TRAF5: variants seen among roughly 807,000 people sequenced by gnomAD.
TRAF5 encodes the protein TNF receptor associated factor 5, also known as TNF receptor-associated factor 5.
Under a neutral mutation model 64.5 loss-of-function variants are expected in TRAF5, and 48 were observed. The ratio of observed to expected loss-of-function variants is 0.74; its 90% CI spans 0.59 to 0.95. The LOEUF is 0.95. Ranked by LOEUF, TRAF5 falls within the 40% of genes least tolerant of loss-of-function variation. The pLI is 0.00. For missense variants in TRAF5, 545 were observed against 662.8 expected, an observed-to-expected ratio of 0.82 and a Z score of 1.95; for synonymous variants, 206 against 240.5, an observed-to-expected ratio of 0.86 and a Z score of 1.33.
At chr1:211,328,255 A>G (rs1046221597) in intron 1 of TRAF5, among the ~76,000 whole-genome samples, 1 of 152,376 alleles carries the variant, frequency 6.6e-6, no homozygotes, top group Middle Eastern at 3.4e-3. Flanking sequence ...AAATTGCTGC[A>G]GGAACGATGG....
At chr1:211,346,273 AT>A in intron 1 of TRAF5, 1 of 754,334 alleles carries the variant, frequency 1.3e-6, no homozygotes, top group African/African-American at 1.9e-5. Context: ...GTAATTGATC[AT>A]TTTTGTGCCT....
chr1:211,350,121 C>CTT (rs36090698), intron 1 of TRAF5, among the ~76,000 whole-genome samples: 95,192 of 151,802 alleles, frequency 0.63, 32,440 homozygotes, highest in Non-Finnish European at 0.76. Context: ...ACATTTGTAT[C>CTT]TTATACTGCT....
At chr1:211,354,318 G>T (rs946756359) in intron 2 of TRAF5, 92 bp from the exon 3 acceptor site, 2 of 1,261,700 alleles carry the variant, frequency 1.6e-6, no homozygotes, top group African/African-American at 3.0e-5. Context: ...GCCTGCCCAG[G>T]GCTAGAGCAT....
intron 2 of TRAF5, 58 bp downstream of exon 2, chr1:211,353,515 T>G: frequency 6.6e-7 from 1 of 1,521,926 alleles, no homozygotes; most frequent in East Asian, 2.4e-5. Context: ...AGGTGGCAAC[T>G]GTGGCCACTC....
intron 1 of TRAF5, among the ~76,000 whole-genome samples, chr1:211,331,987 T>C (rs1702168684): frequency 6.6e-6 from 1 of 152,176 alleles, no homozygotes. Flanking sequence ...TCATTGAAAC[T>C]AGCCTATTGC....
chr1:211,331,927 A>G (rs1361728740), intron 1 of TRAF5, among the ~76,000 whole-genome samples: 1 of 152,212 alleles, frequency 6.6e-6, no homozygotes, highest in African/African-American at 2.4e-5. Flanking sequence ...TTGGCCTCCC[A>G]AAGTGCTGGG....
At chr1:211,370,378 A>AAC (rs67207558) in intron 9 of TRAF5, among the ~76,000 whole-genome samples, 9,443 of 148,000 alleles carry the variant, frequency 0.064, 441 homozygotes, top group African/African-American at 0.13. Flanking sequence ...TTATACATTA[A>AAC]ACACACACAC....
intron 1 of TRAF5, among the ~76,000 whole-genome samples, chr1:211,346,144 G>A (rs1028464140): frequency 1.3e-5 from 2 of 152,204 alleles, no homozygotes; most frequent in South Asian, 4.1e-4. Context: ...GACCAGCTGA[G>A]ATGATTTCTT....
At chr1:211,348,224 C>T (rs1162430400) in intron 1 of TRAF5, among the ~76,000 whole-genome samples, 2 of 152,146 alleles carry the variant, frequency 1.3e-5, no homozygotes, top group Non-Finnish European at 2.9e-5. Context: ...AAGAGATGTG[C>T]AAACATGTAA....
intron 1 of TRAF5, among the ~76,000 whole-genome samples, chr1:211,349,002 C>T (rs1702698656): frequency 7.5e-6 from 1 of 134,030 alleles, no homozygotes; most frequent in African/African-American, 2.8e-5. Context: ...GAGTTCAAGA[C>T]CAGGCTGGGC....
intron 7 of TRAF5, among the ~76,000 whole-genome samples, chr1:211,364,267 G>A (rs1703277280): frequency 6.6e-6 from 1 of 152,194 alleles, no homozygotes; most frequent in Admixed American, 6.5e-5. Context: ...GGTTTTGAGG[G>A]CAACAAATTT....
intron 1 of TRAF5, among the ~76,000 whole-genome samples, chr1:211,344,827 C>T (rs1702549988): frequency 6.6e-6 from 1 of 152,112 alleles, no homozygotes; most frequent in Non-Finnish European, 1.5e-5. Context: ...GAACACGGCT[C>T]ACTGCAGCCT....
intron 1 of TRAF5, among the ~76,000 whole-genome samples, chr1:211,327,205 C>T (rs945165772): frequency 2.6e-5 from 4 of 152,100 alleles, no homozygotes; most frequent in Admixed American, 2.0e-4. Context: ...AGCTGGGGAG[C>T]TGGTCCAGAG....
intron 1 of TRAF5, among the ~76,000 whole-genome samples, chr1:211,352,471 T>G (rs1369022501): frequency 6.7e-6 from 1 of 149,590 alleles, no homozygotes; most frequent in East Asian, 1.9e-4. Context: ...AGTTTTTTTT[T>G]TTTTTTAATT....
chr1:211,355,593 GTGTC>G (rs1343264406), intron 3 of TRAF5, among the ~76,000 whole-genome samples: 5 of 152,144 alleles, frequency 3.3e-5, no homozygotes, highest in African/African-American at 4.8e-5. Context: ...GCTGCATTTA[GTGTC>G]TGTCTGACCT....
In TRAF5 at chr1:211,331,657, A is replaced by G. The variant is rs150320446; in HGVS notation, c.-2+4768A>G. Among the ~76,000 whole-genome samples, 546 of 151,236 alleles carry G rather than the reference A, an allele frequency of 3.6e-3. 6 individuals are homozygous for G. Among genetic ancestry groups the G allele is most frequent in the African/African-American group, 0.013 (513 of 40,996 alleles). On this transcript the variant is annotated intron_variant, in intron 1 of 10. Transcript: ENST00000261464. The stretch of plus-strand genomic sequence containing the variant: ...ACCAGCAGAAGAATTGCTGTGTGTC[A>G]GAGCAGGCCATCTTTTTTTTTTTTT...
chr1:211,364,526 AAAT>A (rs1336877202), intron 7 of TRAF5, among the ~76,000 whole-genome samples: 1 of 152,092 alleles, frequency 6.6e-6, no homozygotes, highest in Non-Finnish European at 1.5e-5. Flanking sequence ...TCTCTACTAA[AAAT>A]ACAAAAATTA....
At position 211,326,845 on chromosome 1, in the gene TRAF5, C is replaced by T. The variant is rs1300548899; in HGVS notation, c.-46C>T. 18 of 984,766 alleles carry T rather than the reference C, an allele frequency of 1.8e-5. No individual in the cohort carries two copies. The highest frequency in any genetic ancestry group is 2.2e-5 in the Non-Finnish European group (18 of 829,534). 61.0% of individuals were successfully genotyped at this position (984,766 alleles called of 1,614,324 possible). On this transcript the variant is annotated 5_prime_UTR_variant, in exon 1 of 11. Transcript: ENST00000261464. The surrounding 1 kb of genome is among the most constrained non-coding windows in gnomAD (Gnocchi z 5.0). ...GCCGGCCGCAGCCAGGAGCAGCAGC[C>T]GCGCCTGCAGACCGGCCTCGCGGAG...
At chr1:211,360,366 T>C in intron 5 of TRAF5, 1 of 492,306 alleles carries the variant, frequency 2.0e-6, no homozygotes, top group Admixed American at 3.6e-5. Context: ...ACTCTCTGAA[T>C]TCTGCAGTGT....
Sources: allele counts gnomAD v4.1 joint callset (sites outside exome capture counted in the v4.1 genomes callset), GRCh38; gene constraint gnomAD v4.1.1; non-coding constraint Gnocchi (gnomAD v3.1); transcripts MANE v1.5; gene names NCBI Gene and HGNC (gene_info 2026-07-23, HGNC 2026-07-21).